DARS1: variants seen among roughly 807,000 people sequenced by gnomAD.
DARS1 encodes the protein aspartate--tRNA ligase, cytoplasmic.
A neutral mutation model predicts 68.8 loss-of-function variants in DARS1; 51 were observed. The observed-to-expected ratio is 0.74, with a 90% confidence interval of 0.59 to 0.94. The LOEUF is 0.94. Among genes scored for constraint, DARS1 ranks in the 40% least tolerant of loss-of-function variants. The pLI is 0.00. For missense variants in DARS1, 607 were observed against 597.3 expected, an observed-to-expected ratio of 1.02 and a Z score of -0.17; for synonymous variants, 203 against 190.4, an observed-to-expected ratio of 1.07 and a Z score of -0.55.
At chr2:135,910,382 T>C (rs947896958) in intron 15 of DARS1, among the ~76,000 whole-genome samples, 24 of 152,164 alleles carry the variant, frequency 1.6e-4, no homozygotes, top group Non-Finnish European at 1.6e-4. Context: ...GGTTATCTCA[T>C]TGAGGTTTTA....
rs533689344 is a variant in DARS1 at position 135,942,198 on chromosome 2, T to G, written c.423+1180A>C. On this transcript the variant is annotated intron_variant, in intron 5 of 15. Transcript: ENST00000264161. Reference sequence around the variant, plus strand: ...TAAATCATGCTGCTATAAAGACACATGCACACGTACGTTTATTGCGGCACT... The same window carrying G: ...TAAATCATGCTGCTATAAAGACACAGGCACACGTACGTTTATTGCGGCACT... 7.2e-5 allele frequency among the ~76,000 whole-genome samples: 11 copies of G among 152,272 alleles called. No individual in the cohort carries two copies. In the South Asian group the frequency reaches 8.3e-4, roughly 11 times the overall value.
In DARS1 at chr2:135,906,161, A is replaced by C. The variant is rs1413335089; in HGVS notation, c.*1155T>G. On this transcript the variant is annotated 3_prime_UTR_variant, in exon 16 of 16. Coordinates refer to ENST00000264161, the MANE Select transcript of DARS1 (RefSeq NM_001349.4). ...AACACCCCCTTTAACTTTCAAACAT[A>C]ATGGGCAGATGTTCGTGGTCCAGGG... Among the ~76,000 whole-genome samples the C allele has an allele frequency of 6.6e-6, 1 of 152,180 alleles. No individual in the cohort carries two copies. Among genetic ancestry groups the C allele is most frequent in the African/African-American group, 2.4e-5 (1 of 41,434 alleles).
intron 4 of DARS1, among the ~76,000 whole-genome samples, chr2:135,945,263 G>T (rs538954066): frequency 6.6e-6 from 1 of 152,236 alleles, no homozygotes; most frequent in South Asian, 2.1e-4. Context: ...GAGTAGCTGG[G>T]ATTACAGGCA....
chr2:135,921,451 T>TA (rs1483157367), intron 9 of DARS1, among the ~76,000 whole-genome samples: 1 of 152,142 alleles, frequency 6.6e-6, no homozygotes, highest in Non-Finnish European at 1.5e-5. Flanking sequence ...ACTTTGTCCT[T>TA]AAAGTACATC....
At chr2:135,941,266 C>T (rs1434747506) in intron 5 of DARS1, among the ~76,000 whole-genome samples, 3 of 152,208 alleles carry the variant, frequency 2.0e-5, no homozygotes, top group Non-Finnish European at 4.4e-5. Context: ...AACTATACTA[C>T]AAGGCTACAG....
intron 6 of DARS1, 78 bp from the exon 7 acceptor site, chr2:135,932,920 C>A: frequency 1.4e-6 from 1 of 727,866 alleles, no homozygotes; most frequent in South Asian, 1.7e-5. Context: ...TTTTAGAAGC[C>A]ATGTTTACTT....
At chr2:135,980,742 T>C (rs1032582275) in intron 2 of DARS1, among the ~76,000 whole-genome samples, 1 of 152,154 alleles carries the variant, frequency 6.6e-6, no homozygotes, top group Non-Finnish European at 1.5e-5. Flanking sequence ...GAAAAAGCAA[T>C]GGCTAACCAA....
In DARS1 at chr2:135,907,351, T is replaced by C. The variant is rs755901436; in HGVS notation, c.1471A>G (p.Met491Val). The C allele has an allele frequency of 1.3e-5, 21 of 1,563,176 alleles. No homozygotes were observed. Among genetic ancestry groups the C allele is most frequent in the South Asian group, 8.9e-5 (8 of 90,202 alleles). ...AGTCGTTTGGGATCACGAGGGAACATGGAGGTCTGACGAACATTATGCAAT... is the reference window on the plus strand; with the variant it reads ...AGTCGTTTGGGATCACGAGGGAACACGGAGGTCTGACGAACATTATGCAAT... ...LGLHNVRQTSMFPRDPKRLTP is the reference protein window; with the variant it reads ...LGLHNVRQTSVFPRDPKRLTP The change falls in exon 16 of 16, where the codon ATG (methionine) becomes GTG (valine). Residue 491 changes from methionine to valine, a missense_variant. By Grantham distance (21) the Met-to-Val change is conservative. Coordinates refer to ENST00000264161, the MANE Select transcript of DARS1 (RefSeq NM_001349.4).
chr2:135,930,534 T>G (rs1213772088), intron 7 of DARS1, among the ~76,000 whole-genome samples: 1 of 152,192 alleles, frequency 6.6e-6, no homozygotes, highest in Non-Finnish European at 1.5e-5. Flanking sequence ...ACTACTAGTC[T>G]TATCTCCCCA....
intron 3 of DARS1, among the ~76,000 whole-genome samples, chr2:135,973,545 T>C (rs190614322): frequency 3.4e-4 from 51 of 151,862 alleles, no homozygotes; most frequent in African/African-American, 1.2e-3. Context: ...ATAATAATTG[T>C]ACATTTAAAA....
intron 5 of DARS1, 56 bp from the exon 6 acceptor site, chr2:135,934,046 T>G (rs1460821082): frequency 3.2e-6 from 5 of 1,579,404 alleles, no homozygotes; most frequent in Non-Finnish European, 3.5e-6. Context: ...TGCATCTTTT[T>G]CTTAAAAAAC....
chr2:135,927,694 C>T (rs1487864107), intron 7 of DARS1, among the ~76,000 whole-genome samples: 1 of 151,978 alleles, frequency 6.6e-6, no homozygotes, highest in Non-Finnish European at 1.5e-5. Flanking sequence ...ATAAACTAAA[C>T]AGAAAGCAGA....
At chr2:135,917,225 G>T (rs1681024868) in intron 10 of DARS1, among the ~76,000 whole-genome samples, 1 of 152,102 alleles carries the variant, frequency 6.6e-6, no homozygotes, top group Non-Finnish European at 1.5e-5. Context: ...TTAAATGATG[G>T]CTGGGATTTG....
chr2:135,944,993 C>T (rs114399267), intron 4 of DARS1, among the ~76,000 whole-genome samples: 283 of 152,276 alleles, frequency 1.9e-3, no homozygotes, highest in African/African-American at 6.2e-3. Flanking sequence ...GTCCACTCTG[C>T]TACCTTTCTT....
intron 3 of DARS1, among the ~76,000 whole-genome samples, chr2:135,973,884 AAAT>A: frequency 6.6e-6 from 1 of 152,248 alleles, no homozygotes; most frequent in Admixed American, 6.5e-5. Context: ...TAAAAAATAA[AAAT>A]AATTAAAAGA....
chr2:135,922,147 A>G (rs1161944545), intron 9 of DARS1, among the ~76,000 whole-genome samples: 3 of 152,150 alleles, frequency 2.0e-5, no homozygotes, highest in Admixed American at 6.6e-5. Flanking sequence ...TAAATATAAC[A>G]TATTTGTTAG....
chr2:135,926,620 A>C (rs748150361), intron 7 of DARS1, among the ~76,000 whole-genome samples: 2 of 152,270 alleles, frequency 1.3e-5, no homozygotes, highest in Non-Finnish European at 2.9e-5. Flanking sequence ...ACTAAATATA[A>C]GATGTTCTTT....
rs1680963439 is a variant in DARS1 at position 135,914,456 on chromosome 2, TA to T, written c.1149+12del. On this transcript the variant is annotated intron_variant, in intron 12 of 15. Coordinates refer to ENST00000264161, the MANE Select transcript of DARS1 (RefSeq NM_001349.4). ...GAATTAGAAAAAGAAATCCAGCATATAAAGAGTCCTACCTTTTCCTTTACCA... is the reference window on the plus strand; with the variant it reads ...GAATTAGAAAAAGAAATCCAGCATATAAGAGTCCTACCTTTTCCTTTACCA... 8.1e-7 allele frequency: 1 copy of T among 1,238,560 alleles called. No individual in the cohort carries two copies. The highest frequency in any genetic ancestry group is 1.5e-5 in the African/African-American group (1 of 67,900). The allele number at this position is 1,238,560 out of a possible 1,614,324, so 76.7% of individuals were successfully genotyped here.
Position 135,985,498 on chromosome 2 carries a change from C to G in DARS1, c.-30G>C. ...ACACGGAACTGGGCAGTGGACACCACCCTCCCTCGCAGGCTTCCGTAAGGC... is the reference window on the plus strand; with the variant it reads ...ACACGGAACTGGGCAGTGGACACCAGCCTCCCTCGCAGGCTTCCGTAAGGC... On this transcript the variant is annotated 5_prime_UTR_variant, in exon 1 of 16. Coordinates refer to ENST00000264161, the MANE Select transcript of DARS1 (RefSeq NM_001349.4). 1 of 1,613,982 alleles carries G rather than the reference C, an allele frequency of 6.2e-7. No individual in the cohort carries two copies.
Sources: allele counts gnomAD v4.1 joint callset (sites outside exome capture counted in the v4.1 genomes callset), GRCh38; gene constraint gnomAD v4.1.1; transcripts MANE v1.5; gene names NCBI Gene and HGNC (gene_info 2026-07-23, HGNC 2026-07-21).